The following CNKSR2 variants were observed in gnomAD, a reference collection of about 807,000 sequenced individuals.
The protein encoded by CNKSR2 is CNK homolog protein 2.
In CNKSR2, 14 loss-of-function variants were observed where a neutral mutation model predicts 84.4. That is an observed-to-expected ratio of 0.17 (90% CI 0.11 to 0.26). The LOEUF (loss-of-function observed/expected upper bound fraction) is 0.26. Ranked by LOEUF, CNKSR2 falls within the 10% of genes least tolerant of loss-of-function variation. The pLI is 1.00. For missense variants in CNKSR2, 485 were observed against 771.2 expected (o/e 0.63, Z 4.40); for synonymous variants, 275 against 277.9 (o/e 0.99, Z 0.10).
rs184822493 is a variant in CNKSR2 at position 21,490,591 on chromosome X, A to G, written c.681+13A>G. The G allele has an allele frequency of 4.2e-6, 5 of 1,200,580 alleles. No homozygotes were observed. Among genetic ancestry groups the G allele is most frequent in the Non-Finnish European group, 5.6e-6 (5 of 889,944 alleles). On this transcript the variant is annotated intron_variant, in intron 6 of 21. Coordinates refer to ENST00000379510, the MANE Select transcript of CNKSR2 (RefSeq NM_014927.5). ...AAGCGAAGGGCTGGTAAGAGATACC[A>G]TGTTTATCAAAACCACCATCCATCA...
chrX:21,549,930 A>C (rs2092069157), intron 11 of CNKSR2, among the ~76,000 whole-genome samples: 1 of 112,363 alleles, frequency 8.9e-6, no homozygotes, highest in African/African-American at 3.2e-5. Flanking sequence ...AAGATGGATT[A>C]AACACTTAAA....
At chrX:21,580,653 A>T (rs1345360081) in intron 13 of CNKSR2, among the ~76,000 whole-genome samples, 1 of 111,962 alleles carries the variant, frequency 8.9e-6, no homozygotes, top group Non-Finnish European at 1.9e-5. Context: ...TGCTGACAGA[A>T]TCATCAATCA....
chrX:21,548,856 C>T (rs1365980150), intron 11 of CNKSR2, among the ~76,000 whole-genome samples: 1 of 112,012 alleles, frequency 8.9e-6, no homozygotes, highest in African/African-American at 3.2e-5. Flanking sequence ...AAAAGGCCTC[C>T]AGTAAAATTC....
intron 20 of CNKSR2, among the ~76,000 whole-genome samples, chrX:21,635,502 G>A (rs191030818): frequency 0.14 from 13,781 of 101,794 alleles, 2,228 homozygotes; most frequent in African/African-American, 0.45. Context: ...GTGTATATAT[G>A]TATATATGTA....
At chrX:21,648,790 C>CTT (rs760690886) in intron 20 of CNKSR2, 41 bp from the exon 21 acceptor site, 7 of 660,460 alleles carry the variant, frequency 1.1e-5, no homozygotes, top group African/African-American at 7.5e-5. Context: ...CTCTCTCTCT[C>CTT]TTTCTTTTTT....
At position 21,414,603 on chromosome X, in the gene CNKSR2, T is replaced by C. The variant is rs184219653; in HGVS notation, c.65-11894T>C. 6.3e-3 allele frequency among the ~76,000 whole-genome samples: 703 copies of C among 111,376 alleles called. 4 individuals carry two copies. The highest frequency in any genetic ancestry group is 0.028 in the Middle Eastern group (6 of 217). Reference sequence around the variant, plus strand: ...TGTTCATTTTTGCTTTGGTTGCCTGTGATTGTGGGGTATTACTCAAGAAAT... The same window carrying C: ...TGTTCATTTTTGCTTTGGTTGCCTGCGATTGTGGGGTATTACTCAAGAAAT... On this transcript the variant is annotated intron_variant, in intron 1 of 21. Coordinates refer to ENST00000379510, the MANE Select transcript of CNKSR2 (RefSeq NM_014927.5).
In CNKSR2 at chrX:21,654,638, GGA is replaced by G. The variant is rs1474183876; in HGVS notation, c.*2123_*2124del. On this transcript the variant is annotated 3_prime_UTR_variant, in exon 22 of 22. Transcript: ENST00000379510. The stretch of plus-strand genomic sequence containing the variant: ...TTTTATTGCATTCGTTTCAAATCTA[GGA>G]GAGAGGCAGCACTGTAAACTGAAGT... 3.6e-5 allele frequency: 4 copies of G among 111,782 alleles called. No homozygotes were observed. Among genetic ancestry groups the G allele is most frequent in the Admixed American group, 9.5e-5 (1 of 10,514 alleles). 9.2% of individuals were successfully genotyped at this position (111,782 alleles called of 1,213,427 possible). A position where few individuals can be genotyped will look rare whatever the true frequency, so the allele number is the denominator to read the frequency against.
intron 4 of CNKSR2, 151 bp downstream of exon 4, chrX:21,440,932 T>A: frequency 2.8e-6 from 1 of 355,552 alleles, no homozygotes; most frequent in Non-Finnish European, 4.8e-6. Context: ...GTGTAGTTAT[T>A]TATTGGGAGA....
intron 8 of CNKSR2, chrX:21,505,520 C>T (rs2091604063): frequency 9.0e-6 from 1 of 111,269 alleles, no homozygotes; most frequent in Admixed American, 9.6e-5. Context: ...CATTGTTGAG[C>T]AAGACTAAGG....
chrX:21,575,153 C>G, intron 13 of CNKSR2, among the ~76,000 whole-genome samples: 1 of 111,466 alleles, frequency 9.0e-6, no homozygotes, highest in Non-Finnish European at 1.9e-5. Context: ...AACCCACTAC[C>G]TAGATACAGA....
intron 1 of CNKSR2, among the ~76,000 whole-genome samples, chrX:21,404,476 A>T (rs949758982): frequency 9.1e-6 from 1 of 110,449 alleles, no homozygotes; most frequent in Admixed American, 9.8e-5. Flanking sequence ...GCTTTTTATT[A>T]TGTAATTTAA....
At chrX:21,422,734 T>C (rs775414503) in intron 1 of CNKSR2, among the ~76,000 whole-genome samples, 1 of 111,786 alleles carries the variant, frequency 8.9e-6, no homozygotes, top group East Asian at 2.8e-4. Flanking sequence ...TTGCTGACTT[T>C]AGTGTCAAAA....
intron 17 of CNKSR2, among the ~76,000 whole-genome samples, chrX:21,597,744 A>G (rs780086920): frequency 1.8e-5 from 2 of 110,196 alleles, no homozygotes; most frequent in African/African-American, 6.6e-5. Context: ...GGTTTGTTCT[A>G]TATGTAATCT....
chrX:21,435,823 T>G (rs1410012216), intron 3 of CNKSR2, among the ~76,000 whole-genome samples: 2 of 111,626 alleles, frequency 1.8e-5, no homozygotes, highest in Non-Finnish European at 3.8e-5. Context: ...ATAGTAAAAG[T>G]TTTTTTCCTT....
intron 1 of CNKSR2, among the ~76,000 whole-genome samples, chrX:21,406,294 G>T (rs1018686189): frequency 3.6e-5 from 4 of 111,286 alleles, no homozygotes; most frequent in Non-Finnish European, 7.5e-5. Context: ...ATTGCCCACA[G>T]AAAAAGTATC....
chrX:21,480,632 T>G (rs2147164025), intron 5 of CNKSR2, among the ~76,000 whole-genome samples: 1 of 111,685 alleles, frequency 9.0e-6, no homozygotes, highest in South Asian at 3.8e-4. Context: ...GCTTACTCTA[T>G]TTCCCTATCA....
At chrX:21,430,495 T>C (rs1450374796) in intron 2 of CNKSR2, among the ~76,000 whole-genome samples, 2 of 111,441 alleles carry the variant, frequency 1.8e-5, no homozygotes, top group East Asian at 5.6e-4. Context: ...CCAAGTTGAG[T>C]AGGTTTCTCG....
At chrX:21,594,835 A>G in intron 15 of CNKSR2, 139 bp from the exon 16 acceptor site, 1 of 421,731 alleles carries the variant, frequency 2.4e-6, no homozygotes, top group South Asian at 5.6e-5. Flanking sequence ...TAAGCATTGA[A>G]TTCTTATCTC....
intron 4 of CNKSR2, chrX:21,441,231 A>G (rs1474955268): frequency 9.0e-6 from 1 of 111,400 alleles, no homozygotes; most frequent in African/African-American, 3.3e-5. Context: ...GAGGAAATGT[A>G]ATTATAGGCA....
Sources: allele counts gnomAD v4.1 joint callset (sites outside exome capture counted in the v4.1 genomes callset), GRCh38; gene constraint gnomAD v4.1.1; transcripts MANE v1.5; gene names NCBI Gene and HGNC (gene_info 2026-07-23, HGNC 2026-07-21).